RCC1L: variants seen among roughly 807,000 people sequenced by gnomAD.
RCC1L encodes RCC1-like G exchanging factor-like protein.
RCC1L carries 46 observed loss-of-function variants against 58.6 expected under a neutral mutation model. The ratio of observed to expected loss-of-function variants is 0.79; its 90% CI spans 0.62 to 1.00. The LOEUF is 1.00. RCC1L is among the 50% of genes least tolerant of loss of function. The pLI is 0.00. For missense variants in RCC1L, 636 were observed against 623.6 expected, an observed-to-expected ratio of 1.02 and a Z score of -0.21; for synonymous variants, 281 against 262.9, an observed-to-expected ratio of 1.07 and a Z score of -0.67.
chr7:75,061,318 A>C, intron 5 of RCC1L, 27 bp from the exon 6 acceptor site: 1 of 1,599,476 alleles, frequency 6.3e-7, no homozygotes, highest in Non-Finnish European at 8.6e-7. Flanking sequence ...GGTAAGGGGG[A>C]TGAGAGGAAA....
At chr7:75,042,128 T>G, downstream of RCC1L, 2 of 971,198 alleles carry the variant, frequency 2.1e-6, no homozygotes, top group East Asian at 1.1e-4. Context: ...AAGGCTTGTT[T>G]ATAAAAGCAA....
At position 75,066,767 on chromosome 7, in the gene RCC1L, C is replaced by T. The variant is rs1554445201; in HGVS notation, c.480G>A (p.Glu160=). ...CCAGAGGCAGGGAGACGGGTGAGGG[C>T]TCCAACACATACTCGTAGCCCCTCG... is the stretch of plus-strand genomic sequence containing the variant. ...DKTRGYEYVL[E]PSPVSLPLDR... Residue 160 remains glutamate, a synonymous_variant, in exon 3 of 11, where the codon GAG becomes GAA. Coordinates refer to ENST00000610322, the MANE Select transcript of RCC1L (RefSeq NM_030798.5). The T allele has an allele frequency of 2.5e-6, 4 of 1,611,536 alleles. No homozygotes were observed. The highest frequency in any genetic ancestry group is 2.2e-5 in the South Asian group (2 of 90,782).
At chr7:75,053,735 G>A (rs1026867621) in intron 9 of RCC1L, among the ~76,000 whole-genome samples, 2 of 152,144 alleles carry the variant, frequency 1.3e-5, no homozygotes, top group African/African-American at 4.8e-5. Flanking sequence ...ACCATCAGCT[G>A]TTGGGCAAAA....
intron 5 of RCC1L, among the ~76,000 whole-genome samples, chr7:75,062,615 G>A (rs1806311312): frequency 6.6e-6 from 1 of 152,146 alleles, no homozygotes; most frequent in African/African-American, 2.4e-5. Flanking sequence ...CTCATCCCCA[G>A]AATAGTGCCT....
At chr7:75,047,991 G>C (rs1161576202) in intron 10 of RCC1L, among the ~76,000 whole-genome samples, 3 of 147,536 alleles carry the variant, frequency 2.0e-5, no homozygotes, top group Non-Finnish European at 4.5e-5. Flanking sequence ...CACCGGCCAG[G>C]AGCAGTGGCT....
intron 6 of RCC1L, among the ~76,000 whole-genome samples, chr7:75,059,714 CA>C (rs1748705448): frequency 6.6e-6 from 1 of 151,938 alleles, no homozygotes; most frequent in Non-Finnish European, 1.5e-5. Flanking sequence ...CTGATCACAA[CA>C]AGCAATTTCT....
At chr7:75,062,168 A>AT (rs1303228608) in intron 5 of RCC1L, among the ~76,000 whole-genome samples, 3 of 151,634 alleles carry the variant, frequency 2.0e-5, no homozygotes, top group African/African-American at 4.8e-5. Flanking sequence ...AATAAAAAAA[A>AT]AGAAAAAGAA....
At chr7:75,048,726 T>C (rs1490964312) in intron 10 of RCC1L, among the ~76,000 whole-genome samples, 2 of 152,154 alleles carry the variant, frequency 1.3e-5, no homozygotes, top group African/African-American at 2.4e-5. Context: ...TCTGTGGCAC[T>C]CCCCCTTAGG....
downstream of RCC1L, among the ~76,000 whole-genome samples, chr7:75,037,297 G>A (rs1395890197): frequency 6.6e-6 from 1 of 152,068 alleles, no homozygotes; most frequent in African/African-American, 2.4e-5. Flanking sequence ...CGATTCTCCT[G>A]CCTCAGCCTC....
At chr7:75,060,538 C>A (rs1425683766) in intron 6 of RCC1L, among the ~76,000 whole-genome samples, 1 of 152,266 alleles carries the variant, frequency 6.6e-6, no homozygotes, top group African/African-American at 2.4e-5. Context: ...TCAAGCCATT[C>A]TCCTGCCTCA....
chr7:75,040,055 A>G (rs1233790629), downstream of RCC1L, among the ~76,000 whole-genome samples: 1 of 152,186 alleles, frequency 6.6e-6, no homozygotes, highest in East Asian at 1.9e-4. Context: ...CGTGACCCAC[A>G]GAAGGCACAG....
chr7:75,055,187 C>A (rs1019055071), intron 9 of RCC1L, among the ~76,000 whole-genome samples: 1 of 152,152 alleles, frequency 6.6e-6, no homozygotes, highest in Admixed American at 6.5e-5. Context: ...TTGAGAATCA[C>A]AGAATGAAAT....
At chr7:75,058,385 C>T (rs1157412435) in intron 7 of RCC1L, among the ~76,000 whole-genome samples, 2 of 151,690 alleles carry the variant, frequency 1.3e-5, no homozygotes, top group Non-Finnish European at 2.9e-5. Context: ...TGCACCACCA[C>T]ACCTGGCTAA....
At chr7:75,030,828 C>T (rs1462749436) in intron 10 of RCC1L, among the ~76,000 whole-genome samples, 1 of 152,196 alleles carries the variant, frequency 6.6e-6, no homozygotes, top group African/African-American at 2.4e-5. Context: ...CCCGTGCTGA[C>T]TCTTCAAAGG....
chr7:75,036,304 C>T (rs1412462111), intron 10 of RCC1L, among the ~76,000 whole-genome samples: 3 of 151,592 alleles, frequency 2.0e-5, no homozygotes, highest in East Asian at 4.0e-4. Flanking sequence ...TTAGTAGAGA[C>T]GGGGTTTCTC....
chr7:75,072,451 G>A (rs1305450520), intron 1 of RCC1L, among the ~76,000 whole-genome samples: 2 of 151,870 alleles, frequency 1.3e-5, no homozygotes, highest in Admixed American at 1.3e-4. Context: ...TCTAAAGGTT[G>A]AGTAACTTGA....
chr7:75,039,785 A>G (rs976691547), downstream of RCC1L, among the ~76,000 whole-genome samples: 20 of 152,314 alleles, frequency 1.3e-4, no homozygotes, highest in African/African-American at 4.3e-4. Context: ...GGCTCACTCC[A>G]TCGCGGGTGC....
intron 10 of RCC1L, among the ~76,000 whole-genome samples, chr7:75,051,200 ATATAT>A (rs1805895095): frequency 8.9e-5 from 13 of 146,312 alleles, no homozygotes; most frequent in Admixed American, 3.4e-4. Flanking sequence ...TATATATTTA[ATATAT>A]ATAAACGTAT....
At chr7:75,046,907 A>C (rs963798754) in intron 10 of RCC1L, among the ~76,000 whole-genome samples, 4 of 151,832 alleles carry the variant, frequency 2.6e-5, no homozygotes, top group Non-Finnish European at 5.9e-5. Context: ...AGCCAGAGAA[A>C]GGGAGACTAC....
Sources: gnomAD v4.1 joint callset for allele counts (sites outside exome capture counted in the v4.1 genomes callset) on GRCh38, gnomAD v4.1.1 for gene constraint, MANE v1.5 for transcripts, NCBI Gene and HGNC (gene_info 2026-07-23, HGNC 2026-07-21) for gene names.